TM9SF2: variants seen among roughly 807,000 people sequenced by gnomAD.
TM9SF2 encodes transmembrane 9 superfamily member 2, also known as 76 kDa membrane protein.
A neutral mutation model predicts 84.9 loss-of-function variants in TM9SF2; 13 were observed. The ratio of observed to expected loss-of-function variants is 0.15; its 90% CI spans 0.10 to 0.24. TM9SF2 has a LOEUF of 0.24. Among genes scored for constraint, TM9SF2 ranks in the 10% least tolerant of loss-of-function variants. The pLI is 1.00. For synonymous variants in TM9SF2, 273 were observed against 285.8 expected, an observed-to-expected ratio of 0.96 and a Z score of 0.45; for missense variants, 562 against 818.5, an observed-to-expected ratio of 0.69 and a Z score of 3.82.
chr13:99,524,658 A>C (rs1189395774), intron 3 of TM9SF2, among the ~76,000 whole-genome samples: 1 of 151,848 alleles, frequency 6.6e-6, no homozygotes, highest in East Asian at 2.0e-4. Context: ...GATGAAGAAG[A>C]CAAGATTCGA....
rs923895437 is a variant in TM9SF2 at position 99,562,890 on chromosome 13, A to G, written c.*132A>G. 2.6e-6 allele frequency: 2 copies of G among 778,546 alleles called. No individual in the cohort carries two copies. Among genetic ancestry groups the G allele is most frequent in the Admixed American group, 5.6e-5 (2 of 35,936 alleles). 48.2% of individuals were successfully genotyped at this position (778,546 alleles called of 1,614,324 possible). On this transcript the variant is annotated 3_prime_UTR_variant, in exon 17 of 17. Transcript: ENST00000376387. ...TCCTTCAGAAACACCGTAATTCTAA[A>G]TAAACCTCTTCCCATACACCTTTCC...
chr13:99,557,605 G>T (rs2046329627), intron 15 of TM9SF2, among the ~76,000 whole-genome samples: 3 of 152,134 alleles, frequency 2.0e-5, no homozygotes, highest in Non-Finnish European at 2.9e-5. Flanking sequence ...TTAGGGCTGA[G>T]TGTGGTGGTT....
intron 11 of TM9SF2, among the ~76,000 whole-genome samples, chr13:99,548,073 T>C (rs1443592295): frequency 6.6e-6 from 1 of 152,198 alleles, no homozygotes; most frequent in Non-Finnish European, 1.5e-5. Flanking sequence ...TTTTAATGCA[T>C]ACAAAATACA....
chr13:99,509,162 C>G (rs1384603826), intron 1 of TM9SF2, among the ~76,000 whole-genome samples: 1 of 152,202 alleles, frequency 6.6e-6, no homozygotes, highest in Non-Finnish European at 1.5e-5. Flanking sequence ...TTGGGCAGCT[C>G]CACCATTGTA....
intron 10 of TM9SF2, among the ~76,000 whole-genome samples, chr13:99,544,638 AG>A (rs2046275486): frequency 6.6e-6 from 1 of 152,164 alleles, no homozygotes; most frequent in Non-Finnish European, 1.5e-5. Flanking sequence ...CAGTCTGGTT[AG>A]GGTTCCAGGA....
chr13:99,536,796 T>C (rs2046236474), intron 5 of TM9SF2, 59 bp downstream of exon 5: 13 of 1,586,310 alleles, frequency 8.2e-6, no homozygotes, highest in Non-Finnish European at 1.0e-5. Flanking sequence ...TAGAATTCAG[T>C]CTTTACCTGG....
At chr13:99,536,418 A>G (rs568284054) in intron 4 of TM9SF2, among the ~76,000 whole-genome samples, 190 bp from the exon 5 acceptor site, 26 of 152,068 alleles carry the variant, frequency 1.7e-4, no homozygotes, top group African/African-American at 6.0e-4. Flanking sequence ...CCATCACTGC[A>G]GTGTATCAGA....
intron 1 of TM9SF2, 70 bp downstream of exon 1, chr13:99,501,847 A>G: frequency 2.6e-6 from 4 of 1,541,218 alleles, no homozygotes; most frequent in Non-Finnish European, 3.5e-6. Context: ...GGGGGAGCTG[A>G]TCCTCGGGTG....
At position 99,501,794 on chromosome 13, in the gene TM9SF2, G is replaced by A; in HGVS notation, c.171+17G>A. The A allele has an allele frequency of 6.2e-7, 1 of 1,603,260 alleles. No homozygotes were observed. Among genetic ancestry groups the A allele is most frequent in the Non-Finnish European group, 8.5e-7 (1 of 1,177,694 alleles). On this transcript the variant is annotated intron_variant, in intron 1 of 16. Transcript: ENST00000376387. ...GAGTGCAAGGTGGGTGAGGCCTGAC[G>A]AGCCCTCTGATGCACTGTTGGAAGG...
chr13:99,501,586 C>G lies in TM9SF2; in HGVS notation c.-21C>G, dbSNP rs752063742. 6.2e-7 allele frequency: 1 copy of G among 1,609,762 alleles called. No homozygotes were observed. The highest frequency in any genetic ancestry group is 8.5e-7 in the Non-Finnish European group (1 of 1,178,226). On this transcript the variant is annotated 5_prime_UTR_variant, in exon 1 of 17. Transcript: ENST00000376387. ...CTCTTGACCCCCTAGGTTTGATTGC[C>G]CTTTCCCCGAAACAACTATCATGAG...
chr13:99,537,385 T>C (rs540052519), intron 5 of TM9SF2, among the ~76,000 whole-genome samples: 1 of 152,180 alleles, frequency 6.6e-6, no homozygotes, highest in Non-Finnish European at 1.5e-5. Flanking sequence ...TCCAAACTTA[T>C]AAGCTTCCAG....
rs764224795 is a variant in TM9SF2, at chr13:99,520,067, C to T, written c.271C>T (p.Arg91Cys). Residue 91 changes from arginine to cysteine, a missense_variant, in exon 3 of 17, where the codon CGC becomes TGC. Around this residue, in one of 4 missense-constraint regions of TM9SF2, gnomAD observed 267 missense variants for 316.7 expected, o/e 0.84. Coordinates refer to ENST00000376387, the MANE Select transcript of TM9SF2 (RefSeq NM_004800.3). Reference protein sequence around the residue: ...FDFCQASEGKRPSENLGQVLF... With the variant: ...FDFCQASEGKCPSENLGQVLF... ...TTTTTGCCAAGCATCAGAAGGAAAGCGCCCATCTGAAAATCTTGGTCAGGT... is the reference window on the plus strand; with the variant it reads ...TTTTTGCCAAGCATCAGAAGGAAAGTGCCCATCTGAAAATCTTGGTCAGGT... 3.1e-6 allele frequency: 5 copies of T among 1,613,826 alleles called. No homozygotes were observed. The highest frequency in any genetic ancestry group is 3.4e-6 in the Non-Finnish European group (4 of 1,179,890).
chr13:99,517,704 T>C (rs765566539), intron 2 of TM9SF2, 23 bp downstream of exon 2: 2 of 1,537,308 alleles, frequency 1.3e-6, no homozygotes, highest in Non-Finnish European at 1.8e-6. Flanking sequence ...GCTTGGCTTT[T>C]ATATAAAATT....
chr13:99,525,159 A>G (rs1251616374), intron 3 of TM9SF2, among the ~76,000 whole-genome samples: 1 of 152,200 alleles, frequency 6.6e-6, no homozygotes, highest in Non-Finnish European at 1.5e-5. Flanking sequence ...CACATCTACA[A>G]CTGTCTTGAG....
intron 12 of TM9SF2, among the ~76,000 whole-genome samples, chr13:99,550,684 A>G (rs77768812): frequency 0.025 from 3,815 of 152,318 alleles, 156 homozygotes; most frequent in African/African-American, 0.085. Flanking sequence ...ATCTAGTCAT[A>G]CAATTCTACA....
At chr13:99,512,990 C>T (rs1594045570) in intron 1 of TM9SF2, among the ~76,000 whole-genome samples, 1 of 152,192 alleles carries the variant, frequency 6.6e-6, no homozygotes, top group Non-Finnish European at 1.5e-5. Context: ...TTTTCAGAAG[C>T]TCTCTTCAAG....
At chr13:99,544,771 C>T (rs1427972613) in intron 10 of TM9SF2, among the ~76,000 whole-genome samples, 3 of 152,124 alleles carry the variant, frequency 2.0e-5, no homozygotes, top group South Asian at 2.1e-4. Flanking sequence ...CTAGGGAAAG[C>T]GAGTGTGTAG....
At chr13:99,509,473 A>C (rs2046103934) in intron 1 of TM9SF2, among the ~76,000 whole-genome samples, 1 of 152,220 alleles carries the variant, frequency 6.6e-6, no homozygotes, top group Admixed American at 6.5e-5. Flanking sequence ...GAGGCTGCCA[A>C]GCATTCTTCG....
rs370961673 is a variant in TM9SF2, at chr13:99,520,166, C to T, written c.333+37C>T. ...GTGTTACATAATAATTATTTACTTA[C>T]AGCTTTTGTTTTTGTTATTTAAGAA... On this transcript the variant is annotated intron_variant, in intron 3 of 16. Coordinates refer to ENST00000376387, the MANE Select transcript of TM9SF2 (RefSeq NM_004800.3). 8 of 1,542,618 alleles carry T rather than the reference C, an allele frequency of 5.2e-6. No homozygotes were observed. In the East Asian group the frequency reaches 6.8e-5, roughly 13 times the overall value.
Sources: gnomAD v4.1 joint callset for allele counts (sites outside exome capture counted in the v4.1 genomes callset) on GRCh38, gnomAD v4.1.1 for gene constraint, gnomAD v4.1.1 regional missense constraint, MANE v1.5 for transcripts, NCBI Gene and HGNC (gene_info 2026-07-23, HGNC 2026-07-21) for gene names.